KIRREL3: variants seen among roughly 807,000 people sequenced by gnomAD.
KIRREL3 encodes the protein kirre like nephrin family adhesion molecule 3, also known as kin of IRRE-like protein 3.
KIRREL3 carries 36 observed loss-of-function variants against 89.7 expected under a neutral mutation model. That is an observed-to-expected ratio of 0.40 (90% CI 0.31 to 0.53). The LOEUF (loss-of-function observed/expected upper bound fraction) is 0.53. Among genes scored for constraint, KIRREL3 ranks in the 20% least tolerant of loss-of-function variants. KIRREL3 has a pLI of 0.49. For synonymous variants in KIRREL3, 445 were observed against 441.4 expected (o/e 1.01, Z -0.10); for missense variants, 864 against 1,056.6 (o/e 0.82, Z 2.53).
intron 1 of KIRREL3, among the ~76,000 whole-genome samples, chr11:126,866,301 G>A (rs1011682592): frequency 9.2e-5 from 14 of 152,206 alleles, no homozygotes; most frequent in African/African-American, 3.4e-4. Flanking sequence ...ACCTGGCCTG[G>A]CCAGGCAGGG....
At chr11:126,936,379 C>A (rs1193603019) in intron 1 of KIRREL3, 1 of 152,148 alleles carries the variant, frequency 6.6e-6, no homozygotes. Flanking sequence ...AGCAATTCCA[C>A]TCCTAGATGT....
Position 126,645,350 on chromosome 11 carries a change from G to A in KIRREL3, c.56-82438C>T, listed in dbSNP as rs1944626186. ...AAATCCTGAATACTTCTCTCCCAGAGCATTTACCACACGGTGCTGCTGGTA... is the reference window on the plus strand; with the variant it reads ...AAATCCTGAATACTTCTCTCCCAGAACATTTACCACACGGTGCTGCTGGTA... On this transcript the variant is annotated intron_variant, in intron 1 of 16. Transcript: ENST00000525144. The surrounding 1 kb of genome is among the most constrained non-coding windows in gnomAD (Gnocchi z 4.9). 6.6e-6 allele frequency among the ~76,000 whole-genome samples: 1 copy of A among 152,166 alleles called. No individual in the cohort carries two copies. The highest frequency in any genetic ancestry group is 6.5e-5 in the Admixed American group (1 of 15,280).
In KIRREL3 at chr11:126,891,716, C is replaced by T. The variant is rs987972036; in HGVS notation, c.55+108739G>A. Among the ~76,000 whole-genome samples, 3 of 152,172 alleles carry T rather than the reference C, an allele frequency of 2.0e-5. No individual in the cohort carries two copies. The highest frequency in any genetic ancestry group is 2.0e-4 in the Admixed American group (3 of 15,282). On this transcript the variant is annotated intron_variant, in intron 1 of 16. Coordinates refer to ENST00000525144, the MANE Select transcript of KIRREL3 (RefSeq NM_032531.4). The surrounding 1 kb of genome is among the most constrained non-coding windows in gnomAD (Gnocchi z 5.1). ...AAGATGCAGCCCTGACCGGCTGACTCAAAGGAAGTTGGCTGGCAGGTTCTG... is the reference window on the plus strand; with the variant it reads ...AAGATGCAGCCCTGACCGGCTGACTTAAAGGAAGTTGGCTGGCAGGTTCTG...
At chr11:126,504,294 T>C (rs1957953698) in intron 4 of KIRREL3, among the ~76,000 whole-genome samples, 1 of 152,186 alleles carries the variant, frequency 6.6e-6, no homozygotes, top group Non-Finnish European at 1.5e-5. Context: ...TGTCTTCCCT[T>C]GTCCTCTTAT....
intron 1 of KIRREL3, among the ~76,000 whole-genome samples, chr11:126,966,350 G>A (rs1001352409): frequency 1.3e-5 from 2 of 152,170 alleles, no homozygotes; most frequent in African/African-American, 4.8e-5. Context: ...GATTGTCAGA[G>A]CAGCATGCGT....
intron 1 of KIRREL3, among the ~76,000 whole-genome samples, chr11:126,646,140 G>C (rs1944658445): frequency 6.6e-6 from 1 of 152,014 alleles, no homozygotes; most frequent in African/African-American, 2.4e-5. Context: ...GTCAGCATTA[G>C]CATCTGCAGG....
chr11:126,874,981 T>G (rs1005037576), intron 1 of KIRREL3, among the ~76,000 whole-genome samples: 3 of 152,166 alleles, frequency 2.0e-5, no homozygotes, highest in African/African-American at 4.8e-5. Context: ...GGGAGAGGTC[T>G]GTGTCTGCCC....
Position 126,436,977 on chromosome 11 carries a change from C to A in KIRREL3, c.1386G>T (p.Ser462=). The A allele has an allele frequency of 6.3e-7, 1 of 1,575,074 alleles. No individual in the cohort carries two copies. Among genetic ancestry groups the A allele is most frequent in the East Asian group, 2.3e-5 (1 of 43,532 alleles). ...CCACCGTATAGCGCCCCGATGTGCC[C>A]GACTCCAGAACGTTCTCCTTCCAGG... The part of the protein sequence containing the change: ...AWSWKENVLE[S]GTSGRYTVET... The change falls in exon 12 of 17, where the codon TCG becomes TCT. Residue 462 remains serine, a synonymous_variant. Coordinates refer to ENST00000525144, the MANE Select transcript of KIRREL3 (RefSeq NM_032531.4).
rs1958706869 is a variant in KIRREL3, at chr11:126,525,062, G to T, written c.283+1476C>A. Among the ~76,000 whole-genome samples, 1 of 152,298 alleles carries T rather than the reference G, an allele frequency of 6.6e-6. No homozygotes were observed. The highest frequency in any genetic ancestry group is 1.5e-5 in the Non-Finnish European group (1 of 68,026). ...GTTCTGCAGCCCTAAGCAGGTACCAGTCCTGGATCCCAGAAAGCCATTCAT... is the reference window on the plus strand; with the variant it reads ...GTTCTGCAGCCCTAAGCAGGTACCATTCCTGGATCCCAGAAAGCCATTCAT... On this transcript the variant is annotated intron_variant, in intron 3 of 16. Transcript: ENST00000525144. The surrounding 1 kb of genome is among the most constrained non-coding windows in gnomAD (Gnocchi z 5.4).
Position 126,758,400 on chromosome 11 carries a change from C to T in KIRREL3, c.56-195488G>A, listed in dbSNP as rs551062918. Among the ~76,000 whole-genome samples, 13 of 152,296 alleles carry T rather than the reference C, an allele frequency of 8.5e-5. No individual in the cohort carries two copies. In the South Asian group the frequency reaches 2.7e-3, roughly 32 times the overall value. Reference sequence around the variant, plus strand: ...TTTTGAGGGGTAGTTATTTGCCAACCATTTGAAGAGAAGTCAAATGAATTT... The same window carrying T: ...TTTTGAGGGGTAGTTATTTGCCAACTATTTGAAGAGAAGTCAAATGAATTT... On this transcript the variant is annotated intron_variant, in intron 1 of 16. Transcript: ENST00000525144.
Position 126,989,436 on chromosome 11 carries a change from T to C in KIRREL3, c.55+11019A>G, listed in dbSNP as rs191505179. On this transcript the variant is annotated intron_variant, in intron 1 of 16. Transcript: ENST00000525144. This position sits in a 1 kb window ranked among gnomAD's most constrained non-coding sequence, Gnocchi z 6.2. ...GCTGCTGGGGTCTCAGCACACCGTA[T>C]AGAAAATCCCTCCAGCAACTTCAGA... 6.6e-6 allele frequency among the ~76,000 whole-genome samples: 1 copy of C among 152,142 alleles called. No homozygotes were observed.
intron 1 of KIRREL3, among the ~76,000 whole-genome samples, chr11:126,706,033 T>C (rs1333952658): frequency 1.3e-5 from 2 of 152,326 alleles, no homozygotes; most frequent in East Asian, 3.9e-4. Context: ...CAACAGCCAG[T>C]GCTGATTATC....
chr11:126,845,205 C>T (rs770753617), intron 1 of KIRREL3, among the ~76,000 whole-genome samples: 3 of 152,096 alleles, frequency 2.0e-5, no homozygotes, highest in Non-Finnish European at 2.9e-5. Context: ...AGATAACTTT[C>T]TCTTATGTTG....
In KIRREL3 at chr11:126,998,645, C is replaced by T. The variant is rs73018720; in HGVS notation, c.55+1810G>A. Among the ~76,000 whole-genome samples the T allele has an allele frequency of 3.9e-3, 594 of 152,186 alleles. 1 individual carries two copies. The highest frequency in any genetic ancestry group is 6.3e-3 in the Non-Finnish European group (428 of 68,016). On this transcript the variant is annotated intron_variant, in intron 1 of 16. Coordinates refer to ENST00000525144, the MANE Select transcript of KIRREL3 (RefSeq NM_032531.4). ...AAGCAGTCAAGAAACAGCTCCAGAC[C>T]AAGAAAGAAATAAGCACAACAGAAG...
At chr11:126,573,736 G>A (rs1941098240) in intron 1 of KIRREL3, among the ~76,000 whole-genome samples, 2 of 152,098 alleles carry the variant, frequency 1.3e-5, no homozygotes, top group Admixed American at 1.3e-4. Flanking sequence ...GAGCTAGATG[G>A]AGGCCCTAGC....
At chr11:126,726,940 A>C (rs1192472562) in intron 1 of KIRREL3, among the ~76,000 whole-genome samples, 1 of 151,824 alleles carries the variant, frequency 6.6e-6, no homozygotes, top group Non-Finnish European at 1.5e-5. Context: ...CCTCTCACTC[A>C]CTCACACAGG....
At position 126,990,484 on chromosome 11, in the gene KIRREL3, C is replaced by T. The variant is rs924498049; in HGVS notation, c.55+9971G>A. ...GCAGCCACTAGGCTTTCCCCTTCCC[C>T]GTCCTAAGGGACCTCCCGGGCTCTG... On this transcript the variant is annotated intron_variant, in intron 1 of 16. Transcript: ENST00000525144. This position sits in a 1 kb window ranked among gnomAD's most constrained non-coding sequence, Gnocchi z 6.3. Among the ~76,000 whole-genome samples, 1 of 152,184 alleles carries T rather than the reference C, an allele frequency of 6.6e-6. No individual in the cohort carries two copies. Among genetic ancestry groups the T allele is most frequent in the African/African-American group, 2.4e-5 (1 of 41,452 alleles).
At chr11:126,927,600 A>G (rs1179748511) in intron 1 of KIRREL3, among the ~76,000 whole-genome samples, 2 of 152,262 alleles carry the variant, frequency 1.3e-5, no homozygotes, top group Non-Finnish European at 2.9e-5. Flanking sequence ...GGAAAACTTT[A>G]TAGAAATGTG....
intron 1 of KIRREL3, among the ~76,000 whole-genome samples, chr11:126,721,017 CCAGCCGAGCTGGCAAGGGA>C (rs1171472791): frequency 6.6e-6 from 1 of 152,142 alleles, no homozygotes; most frequent in Non-Finnish European, 1.5e-5. Flanking sequence ...TAATTGGGCA[CCAGCCGAGCTGGCAAGGGA>C]GGGAGCCCTG....
Sources: allele counts gnomAD v4.1 joint callset (sites outside exome capture counted in the v4.1 genomes callset), GRCh38; gene constraint gnomAD v4.1.1; non-coding constraint Gnocchi (gnomAD v3.1); transcripts MANE v1.5; gene names NCBI Gene and HGNC (gene_info 2026-07-23, HGNC 2026-07-21).